The following RP1 variants were observed in gnomAD, a reference collection of about 807,000 sequenced individuals.
The protein encoded by RP1 is oxygen-regulated protein 1.
Under a neutral mutation model 14.8 loss-of-function variants are expected in RP1, and 16 were observed. The ratio of observed to expected loss-of-function variants is 1.08; its 90% CI spans 0.73 to 1.65. The LOEUF is 1.65. Among genes scored for constraint, RP1 ranks in the 40% most tolerant of loss-of-function variants. The pLI is 0.00. For missense variants in RP1, 2,631 were observed against 2,535.0 expected, an observed-to-expected ratio of 1.04 and a Z score of -0.81; for synonymous variants, 876 against 883.6, an observed-to-expected ratio of 0.99 and a Z score of 0.15.
intron 1 of RP1, among the ~76,000 whole-genome samples, chr8:54,606,516 G>A (rs1585545198): frequency 6.6e-6 from 1 of 152,176 alleles, no homozygotes; most frequent in East Asian, 1.9e-4. Context: ...TGACAATTAT[G>A]TGTCTTGGAG....
chr8:54,838,403 T>C (rs182673159), intron 25 of RP1, among the ~76,000 whole-genome samples: 1 of 152,310 alleles, frequency 6.6e-6, no homozygotes, highest in African/African-American at 2.4e-5. Flanking sequence ...TGGATACTGA[T>C]AGCCTCTTTG....
chr8:54,863,908 T>G (rs1251994313), intron 27 of RP1, among the ~76,000 whole-genome samples: 1 of 152,356 alleles, frequency 6.6e-6, no homozygotes, highest in Non-Finnish European at 1.5e-5. Flanking sequence ...TGGGTCATGG[T>G]GCATTTCTTA....
At chr8:54,640,563 C>T (rs1164210073) in intron 3 of RP1, among the ~76,000 whole-genome samples, 2 of 152,128 alleles carry the variant, frequency 1.3e-5, no homozygotes. Context: ...AGAAAAGTAG[C>T]CTTGGGCCTT....
chr8:54,603,358 C>T (rs186993471), intron 1 of RP1, among the ~76,000 whole-genome samples: 9,424 of 152,068 alleles, frequency 0.062, 960 homozygotes, highest in African/African-American at 0.21. Flanking sequence ...AGATATGCGG[C>T]ATTATTTCTG....
rs866917179 is a variant in RP1 at position 54,655,109 on chromosome 8, A to G, written c.1039-974A>G. On this transcript the variant is annotated intron_variant, in intron 5 of 22. Coordinates refer to the RP1 transcript ENST00000636932. The stretch of plus-strand genomic sequence containing the variant: ...TAATGAAAAAGTTATCTTTCTGTAA[A>G]CATTTCATTATACTACAAATGAAAC... Among the ~76,000 whole-genome samples, 26 of 152,242 alleles carry G rather than the reference A, an allele frequency of 1.7e-4. 2 individuals carry two copies. Among genetic ancestry groups the G allele is most frequent in the African/African-American group, 5.3e-4 (22 of 41,470 alleles).
intron 27 of RP1, among the ~76,000 whole-genome samples, chr8:54,863,044 G>GATAT (rs61233765): frequency 0.21 from 21,027 of 101,274 alleles, 2,674 homozygotes; most frequent in East Asian, 0.29. Context: ...ATTCCAAATG[G>GATAT]ATATATATAT....
At chr8:54,597,899 A>G (rs552744751) in intron 1 of RP1, among the ~76,000 whole-genome samples, 55 of 152,210 alleles carry the variant, frequency 3.6e-4, no homozygotes, top group Non-Finnish European at 4.0e-4. Flanking sequence ...AAATGTGTAC[A>G]TATAGTTCCA....
intron 25 of RP1, among the ~76,000 whole-genome samples, chr8:54,843,779 C>T (rs745394922): frequency 3.9e-5 from 6 of 152,168 alleles, no homozygotes; most frequent in Non-Finnish European, 8.8e-5. Flanking sequence ...TGGTAGCCAT[C>T]CCTGCACAGC....
At chr8:54,804,799 G>T (rs1810806686) in intron 24 of RP1, among the ~76,000 whole-genome samples, 1 of 152,200 alleles carries the variant, frequency 6.6e-6, no homozygotes, top group Non-Finnish European at 1.5e-5. Context: ...TTTAATATAT[G>T]ACTCTTAATT....
intron 19 of RP1, among the ~76,000 whole-genome samples, chr8:54,748,870 T>C (rs1225586370): frequency 2.6e-5 from 4 of 151,966 alleles, no homozygotes; most frequent in Middle Eastern, 3.2e-3. Flanking sequence ...AGAACAAAGG[T>C]TTATGATATT....
chr8:54,716,229 T>C (rs1279833010), intron 15 of RP1, among the ~76,000 whole-genome samples: 2 of 152,206 alleles, frequency 1.3e-5, no homozygotes, highest in Non-Finnish European at 2.9e-5. Flanking sequence ...GTAATCCTAG[T>C]ATGTTCCAGT....
At chr8:54,673,309 C>A (rs1807219860) in intron 7 of RP1, among the ~76,000 whole-genome samples, 1 of 151,960 alleles carries the variant, frequency 6.6e-6, no homozygotes, top group Non-Finnish European at 1.5e-5. Context: ...ATGTATTTTT[C>A]TTGGATTGAA....
At chr8:54,687,410 A>G (rs772668860) in intron 12 of RP1, among the ~76,000 whole-genome samples, 1 of 152,120 alleles carries the variant, frequency 6.6e-6, no homozygotes, top group African/African-American at 2.4e-5. Flanking sequence ...TGCTGCACCC[A>G]ACAACCCATC....
chr8:54,700,494 C>G (rs1378065650), intron 13 of RP1, among the ~76,000 whole-genome samples: 1 of 152,094 alleles, frequency 6.6e-6, no homozygotes, highest in East Asian at 1.9e-4. Context: ...CTTTTCTTCT[C>G]TGCTCTGGAC....
chr8:54,650,102 G>A (rs996683081), intron 4 of RP1, among the ~76,000 whole-genome samples: 16 of 152,196 alleles, frequency 1.1e-4, no homozygotes, highest in African/African-American at 3.6e-4. Flanking sequence ...ATAGTTTATA[G>A]GGCTAAATAA....
At chr8:54,790,653 C>A (rs1364860312) in intron 24 of RP1, among the ~76,000 whole-genome samples, 3 of 149,672 alleles carry the variant, frequency 2.0e-5, no homozygotes, top group African/African-American at 7.3e-5. Context: ...GACATAGAAA[C>A]CATTAAATAA....
intron 22 of RP1, among the ~76,000 whole-genome samples, chr8:54,761,303 C>G (rs1433505576): frequency 7.2e-6 from 1 of 139,080 alleles, no homozygotes; most frequent in African/African-American, 2.7e-5. Context: ...GTGACTCAAT[C>G]TCAGCTCACT....
At chr8:54,844,934 C>T (rs1266824019) in intron 25 of RP1, among the ~76,000 whole-genome samples, 2 of 152,124 alleles carry the variant, frequency 1.3e-5, no homozygotes, top group African/African-American at 2.4e-5. Context: ...GGGGGAGCTC[C>T]TCTAGCCCAC....
At chr8:54,737,848 G>A (rs1808971686) in intron 18 of RP1, among the ~76,000 whole-genome samples, 1 of 152,146 alleles carries the variant, frequency 6.6e-6, no homozygotes, top group African/African-American at 2.4e-5. Context: ...TCCATAGGTA[G>A]GCAATGTCTA....
Sources: allele counts gnomAD v4.1 joint callset (sites outside exome capture counted in the v4.1 genomes callset), GRCh38; gene constraint gnomAD v4.1.1; transcripts MANE v1.5; gene names NCBI Gene and HGNC (gene_info 2026-07-23, HGNC 2026-07-21).